Variants in ZNRF1 observed in about 807,000 individuals in gnomAD.
ZNRF1 encodes the protein E3 ubiquitin-protein ligase ZNRF1.
In ZNRF1, 3 loss-of-function variants were observed where a neutral mutation model predicts 18.4. The observed-to-expected ratio is 0.16, with a 90% CI of 0.07 to 0.42. ZNRF1 has a LOEUF of 0.42. Among genes scored for constraint, ZNRF1 ranks in the 10% least tolerant of loss-of-function variants. The pLI is 0.99. For synonymous variants in ZNRF1, 157 were observed against 144.2 expected, an observed-to-expected ratio of 1.09 and a Z score of -0.64; for missense variants, 310 against 329.8, an observed-to-expected ratio of 0.94 and a Z score of 0.47.
intron 2 of ZNRF1, among the ~76,000 whole-genome samples, chr16:75,101,285 G>A (rs1567495807): frequency 6.6e-6 from 1 of 152,230 alleles, no homozygotes; most frequent in Non-Finnish European, 1.5e-5. Flanking sequence ...GCTGGGCGCG[G>A]TGGCTCACGC....
chr16:75,047,839 G>T (rs1014636435), intron 1 of ZNRF1, among the ~76,000 whole-genome samples: 3 of 152,262 alleles, frequency 2.0e-5, no homozygotes, highest in African/African-American at 7.2e-5. Context: ...CGAGATCAAG[G>T]TATTAGCAGG....
At chr16:75,050,434 G>C (rs934001016) in intron 1 of ZNRF1, among the ~76,000 whole-genome samples, 6 of 152,144 alleles carry the variant, frequency 3.9e-5, no homozygotes, top group African/African-American at 1.4e-4. Flanking sequence ...ACTGAGATCA[G>C]AGGATGGTTT....
At chr16:75,022,777 TC>T (rs1266248228) in intron 1 of ZNRF1, among the ~76,000 whole-genome samples, 1 of 152,178 alleles carries the variant, frequency 6.6e-6, no homozygotes, top group African/African-American at 2.4e-5. Context: ...TCAAAACTCT[TC>T]CGTAGTGCTC....
At chr16:75,085,791 T>TGAGTGA (rs1555513816) in intron 1 of ZNRF1, among the ~76,000 whole-genome samples, 2 of 139,042 alleles carry the variant, frequency 1.4e-5, no homozygotes, top group Non-Finnish European at 3.0e-5. Context: ...TCCGACAGAG[T>TGAGTGA]GAGAGAGAGA....
intron 1 of ZNRF1, among the ~76,000 whole-genome samples, chr16:75,022,292 G>A (rs1309364801): frequency 6.7e-6 from 1 of 150,300 alleles, no homozygotes; most frequent in Non-Finnish European, 1.5e-5. Context: ...GGCTGAGCGA[G>A]GTGGCTCACG....
chr16:75,003,322 G>A (rs190131155), intron 1 of ZNRF1, among the ~76,000 whole-genome samples: 1 of 152,162 alleles, frequency 6.6e-6, no homozygotes, highest in Non-Finnish European at 1.5e-5. Flanking sequence ...TCTGTGTATG[G>A]TTTGCCTAAA....
intron 1 of ZNRF1, among the ~76,000 whole-genome samples, chr16:75,012,903 C>T (rs1185710571): frequency 6.6e-6 from 1 of 152,086 alleles, no homozygotes; most frequent in Non-Finnish European, 1.5e-5. Flanking sequence ...TCCAGGTCTC[C>T]AGAGCTCAAT....
At chr16:75,074,715 T>C (rs568706774) in intron 1 of ZNRF1, among the ~76,000 whole-genome samples, 2 of 152,266 alleles carry the variant, frequency 1.3e-5, no homozygotes, top group Admixed American at 6.5e-5. Context: ...AGCTGGGTGA[T>C]GAGTACCTGG....
intron 1 of ZNRF1, among the ~76,000 whole-genome samples, chr16:75,003,948 A>T (rs1429749055): frequency 6.9e-6 from 1 of 145,444 alleles, no homozygotes; most frequent in Non-Finnish European, 1.5e-5. Flanking sequence ...GTCTGCCTTC[A>T]ATCGCCTCAG....
intron 1 of ZNRF1, among the ~76,000 whole-genome samples, chr16:75,030,247 A>G (rs1275426153): frequency 6.6e-6 from 1 of 152,172 alleles, no homozygotes; most frequent in Non-Finnish European, 1.5e-5. Flanking sequence ...ATTTTCAACA[A>G]GGGTGTCAAG....
intron 1 of ZNRF1, among the ~76,000 whole-genome samples, chr16:75,074,496 A>T (rs1317231247): frequency 6.6e-6 from 1 of 152,240 alleles, no homozygotes; most frequent in African/African-American, 2.4e-5. Context: ...ATTTTCTTCA[A>T]AATAATCTGG....
At chr16:75,016,536 A>C (rs2035071958) in intron 1 of ZNRF1, among the ~76,000 whole-genome samples, 1 of 141,828 alleles carries the variant, frequency 7.1e-6, no homozygotes, top group African/African-American at 2.7e-5. Flanking sequence ...CACTGCACCC[A>C]GCCTATTTTT....
intron 1 of ZNRF1, among the ~76,000 whole-genome samples, chr16:75,028,735 C>G (rs1438002393): frequency 1.3e-5 from 2 of 152,272 alleles, no homozygotes; most frequent in Non-Finnish European, 2.9e-5. Context: ...TTATCAAGGT[C>G]ACTGAGGACC....
At chr16:75,107,552 T>C (rs2145434118) in intron 4 of ZNRF1, 181 bp from the exon 5 acceptor site, 2 of 346,516 alleles carry the variant, frequency 5.8e-6, no homozygotes, top group South Asian at 2.1e-5. Context: ...GGGGGGAGAG[T>C]GAGGCAGGGG....
chr16:75,049,617 C>A (rs144328025), intron 1 of ZNRF1, among the ~76,000 whole-genome samples: 2 of 152,132 alleles, frequency 1.3e-5, no homozygotes, highest in Admixed American at 6.5e-5. Context: ...GGCAATATGG[C>A]GAAACTCCGT....
In ZNRF1 at chr16:75,000,105, C is replaced by T; in HGVS notation, c.424+10C>T. On this transcript the variant is annotated intron_variant, in intron 1 of 4. Transcript: ENST00000335325. ...TTCAGCTCGCATAGTGGTGAGTCCGCGGGTGGTGGAGGCCTCGGAGGGAGG... is the reference window on the plus strand; with the variant it reads ...TTCAGCTCGCATAGTGGTGAGTCCGTGGGTGGTGGAGGCCTCGGAGGGAGG... 6.3e-7 allele frequency: 1 copy of T among 1,595,624 alleles called. No homozygotes were observed. The highest frequency in any genetic ancestry group is 1.3e-5 in the African/African-American group (1 of 74,936).
intron 1 of ZNRF1, among the ~76,000 whole-genome samples, chr16:75,033,239 T>TATATAAATTTATATA (rs2035329533): frequency 6.8e-6 from 1 of 147,864 alleles, no homozygotes; most frequent in Non-Finnish European, 1.5e-5. Context: ...ATATAAAATT[T>TATATAAATTTATATA]AGAATCACCT....
At chr16:75,016,232 CTT>C (rs886819359) in intron 1 of ZNRF1, among the ~76,000 whole-genome samples, 1 of 149,480 alleles carries the variant, frequency 6.7e-6, no homozygotes, top group Non-Finnish European at 1.5e-5. Flanking sequence ...CGCTAATACT[CTT>C]TTATTTTTAT....
chr16:75,100,458 C>G (rs190298557), intron 2 of ZNRF1, among the ~76,000 whole-genome samples: 1 of 152,246 alleles, frequency 6.6e-6, no homozygotes, highest in Middle Eastern at 3.4e-3. Flanking sequence ...TGTCATAAAG[C>G]GCCTAAGCCT....
Sources: allele counts gnomAD v4.1 joint callset (sites outside exome capture counted in the v4.1 genomes callset), GRCh38; gene constraint gnomAD v4.1.1; transcripts MANE v1.5; gene names NCBI Gene and HGNC (gene_info 2026-07-23, HGNC 2026-07-21).